Variants in CDK19 observed in about 807,000 individuals in gnomAD.
The protein encoded by CDK19 is cyclin-dependent kinase 19.
In CDK19, 20 loss-of-function variants were observed where a neutral mutation model predicts 68.3. The ratio of observed to expected loss-of-function variants is 0.29; its 90% confidence interval spans 0.21 to 0.43. CDK19 has a LOEUF of 0.43. Ranked by LOEUF, CDK19 falls within the 20% of genes least tolerant of loss-of-function variation. The pLI is 1.00. For missense variants in CDK19, 339 were observed against 623.5 expected (o/e 0.54, Z 4.86); for synonymous variants, 221 against 222.8 (o/e 0.99, Z 0.07).
intron 9 of CDK19, 131 bp downstream of exon 9, chr6:110,623,159 C>A: frequency 1.3e-6 from 1 of 764,122 alleles, no homozygotes; most frequent in African/African-American, 1.7e-5. Context: ...GACATCTCAA[C>A]AAAAAAAATA....
intron 6 of CDK19, 126 bp downstream of exon 6, chr6:110,631,904 A>G: frequency 1.3e-6 from 1 of 791,238 alleles, no homozygotes; most frequent in Non-Finnish European, 2.1e-6. Context: ...ATCTAGGAAT[A>G]CAGAAGACAA....
chr6:110,735,674 C>T (rs952782763), intron 2 of CDK19, among the ~76,000 whole-genome samples: 5 of 152,070 alleles, frequency 3.3e-5, no homozygotes, highest in African/African-American at 9.7e-5. Context: ...AATTCCAAAC[C>T]GAAATTAAGC....
At chr6:110,703,734 G>C (rs1774204656) in intron 2 of CDK19, among the ~76,000 whole-genome samples, 1 of 152,102 alleles carries the variant, frequency 6.6e-6, no homozygotes, top group African/African-American at 2.4e-5. Flanking sequence ...CAGCAACTCG[G>C]GAGGCTGAAG....
chr6:110,662,613 GA>G (rs1420217645), intron 4 of CDK19, among the ~76,000 whole-genome samples: 1 of 152,152 alleles, frequency 6.6e-6, no homozygotes, highest in Admixed American at 6.5e-5. Context: ...AAATTATTGA[GA>G]TATGAACCTT....
chr6:110,756,682 C>T (rs920464263), intron 1 of CDK19, among the ~76,000 whole-genome samples: 4 of 151,074 alleles, frequency 2.6e-5, no homozygotes, highest in South Asian at 2.1e-4. Flanking sequence ...TGTATATTTA[C>T]GTGTGTGTGT....
chr6:110,791,040 A>G (rs1296182552), intron 1 of CDK19, among the ~76,000 whole-genome samples: 1 of 151,974 alleles, frequency 6.6e-6, no homozygotes, highest in African/African-American at 2.4e-5. Flanking sequence ...GCATGGTGGC[A>G]GGCACCTGTA....
chr6:110,652,762 G>C (rs55668510), intron 4 of CDK19, among the ~76,000 whole-genome samples: 3,129 of 152,342 alleles, frequency 0.021, 108 homozygotes, highest in African/African-American at 0.072. Context: ...GACACAGAGA[G>C]AGAAAGGAGG....
intron 2 of CDK19, among the ~76,000 whole-genome samples, chr6:110,701,402 A>C (rs1055984295): frequency 9.4e-4 from 132 of 140,938 alleles, no homozygotes; most frequent in Admixed American, 3.7e-3. Flanking sequence ...AAAAAAAAAA[A>C]TTAGCCGAGC....
chr6:110,646,182 C>T, intron 4 of CDK19: 1 of 1,229,932 alleles, frequency 8.1e-7, no homozygotes, highest in South Asian at 1.4e-5. Context: ...CCACCAGAGC[C>T]TGTTCCTCCG....
Position 110,614,468 on chromosome 6 carries a change from T to C in CDK19, c.*67A>G. ...TCATAGTTTGCATTTTTTTGGTTCTTTTCAATGCAGACATATTGCTGGAGC... is the reference window on the plus strand; with the variant it reads ...TCATAGTTTGCATTTTTTTGGTTCTCTTCAATGCAGACATATTGCTGGAGC... On this transcript the variant is annotated 3_prime_UTR_variant, in exon 13 of 13. Coordinates refer to ENST00000368911, the MANE Select transcript of CDK19 (RefSeq NM_015076.5). 6.5e-7 allele frequency: 1 copy of C among 1,542,834 alleles called. No individual in the cohort carries two copies. Among genetic ancestry groups the C allele is most frequent in the Non-Finnish European group, 8.8e-7 (1 of 1,134,284 alleles).
At chr6:110,717,805 A>T (rs1024976250) in intron 2 of CDK19, among the ~76,000 whole-genome samples, 1 of 152,114 alleles carries the variant, frequency 6.6e-6, no homozygotes, top group Non-Finnish European at 1.5e-5. Context: ...GGGTTCAAGC[A>T]ATTCTCCTGC....
intron 12 of CDK19, among the ~76,000 whole-genome samples, chr6:110,620,884 C>A (rs1228686752): frequency 6.6e-6 from 1 of 152,114 alleles, no homozygotes; most frequent in Non-Finnish European, 1.5e-5. Flanking sequence ...ACTGGCCTCC[C>A]TACCTTCCTC....
At chr6:110,759,760 T>G (rs575443706) in intron 1 of CDK19, among the ~76,000 whole-genome samples, 79 of 152,214 alleles carry the variant, frequency 5.2e-4, no homozygotes, top group African/African-American at 1.8e-3. Context: ...TTTAAAAGTT[T>G]CCATATAAAT....
At chr6:110,780,718 A>T (rs2115030254) in intron 1 of CDK19, among the ~76,000 whole-genome samples, 1 of 152,226 alleles carries the variant, frequency 6.6e-6, no homozygotes. Context: ...GTACTGCACA[A>T]TTAAAATACT....
chr6:110,660,684 A>G (rs540617628), intron 4 of CDK19, among the ~76,000 whole-genome samples: 5 of 152,314 alleles, frequency 3.3e-5, no homozygotes, highest in African/African-American at 1.2e-4. Context: ...CTCCAAAGCT[A>G]CACCATCAAG....
intron 2 of CDK19, among the ~76,000 whole-genome samples, chr6:110,695,798 G>A (rs1033275368): frequency 6.6e-6 from 1 of 151,604 alleles, no homozygotes; most frequent in African/African-American, 2.4e-5. Context: ...AACTTGGGAA[G>A]AAATAGAAAC....
At chr6:110,614,942 G>A (rs780454392) in intron 12 of CDK19, among the ~76,000 whole-genome samples, 24 of 152,108 alleles carry the variant, frequency 1.6e-4, no homozygotes, top group Non-Finnish European at 2.9e-4. Context: ...AAATTTCAGC[G>A]GACCCATTTC....
intron 1 of CDK19, among the ~76,000 whole-genome samples, chr6:110,775,968 C>T (rs1050118688): frequency 9.9e-5 from 15 of 152,164 alleles, no homozygotes; most frequent in Non-Finnish European, 1.0e-4. Context: ...TCAGTATAAC[C>T]AGAGTTGTTC....
chr6:110,690,740 T>C (rs146228076), intron 2 of CDK19, among the ~76,000 whole-genome samples: 1 of 152,034 alleles, frequency 6.6e-6, no homozygotes, highest in East Asian at 1.9e-4. Flanking sequence ...GAGACAGTCA[T>C]CAAAGACTCT....
Sources: allele counts gnomAD v4.1 joint callset (sites outside exome capture counted in the v4.1 genomes callset), GRCh38; gene constraint gnomAD v4.1.1; transcripts MANE v1.5; gene names NCBI Gene and HGNC (gene_info 2026-07-23, HGNC 2026-07-21).